Variants in TMEM35B observed in about 807,000 individuals in gnomAD.
TMEM35B encodes the protein ZMYM6 neighbor protein.
In TMEM35B, 6 loss-of-function variants were observed where a neutral mutation model predicts 8.7. The ratio of observed to expected loss-of-function variants is 0.69; its 90% CI spans 0.38 to 1.36. The LOEUF (loss-of-function observed/expected upper bound fraction) is 1.36, where lower values mean the gene tolerates loss of function less well. Ranked by LOEUF, TMEM35B falls within the 40% of genes most tolerant of loss-of-function variation. TMEM35B has a pLI of 0.02. For synonymous variants in TMEM35B, 89 were observed against 87.0 expected (o/e 1.02, Z -0.13); for missense variants, 176 against 181.6 (o/e 0.97, Z 0.18).
chr1:34,984,691 C>T (rs987798179), intron 1 of TMEM35B, among the ~76,000 whole-genome samples: 2 of 152,142 alleles, frequency 1.3e-5, no homozygotes, highest in African/African-American at 4.8e-5. Flanking sequence ...GCTTCCCTCT[C>T]TGGGTTCCGA....
chr1:34,982,225 A>G (rs1640514467), intron 2 of TMEM35B, 106 bp from the exon 3 acceptor site: 1 of 924,852 alleles, frequency 1.1e-6, no homozygotes, highest in Non-Finnish European at 1.6e-6. Flanking sequence ...AAGCCCTCCC[A>G]TTAAACACCC....
Position 34,985,050 on chromosome 1 carries a change from G to A in TMEM35B, c.108+148C>T, listed in dbSNP as rs76282314. ...GAGGAACTCCCCAGGCAGGACCTGC[G>A]CCTCAGTCGAAAGCCAGGCGCTTTC... On this transcript the variant is annotated intron_variant, in intron 1 of 2. Transcript: ENST00000373337. 5 of 545,600 alleles carry A rather than the reference G, an allele frequency of 9.2e-6. No homozygotes were observed. In the East Asian group the frequency reaches 1.5e-4, roughly 16 times the overall value. The allele number at this position is 545,600 out of a possible 1,614,324, so 33.8% of individuals were successfully genotyped here.
chr1:34,985,031 C>CT (rs1640551313), intron 1 of TMEM35B, among the ~76,000 whole-genome samples, 167 bp downstream of exon 1: 1 of 152,150 alleles, frequency 6.6e-6, no homozygotes, highest in Admixed American at 6.5e-5. Context: ...ACTCGAGGAA[C>CT]TCCCCAGGCA....
In TMEM35B at chr1:34,985,310, G is replaced by A. The variant is rs1557549849; in HGVS notation, c.-5C>T. 3 of 1,529,152 alleles carry A rather than the reference G, an allele frequency of 2.0e-6. 1 individual carries two copies. Among genetic ancestry groups the A allele is most frequent in the Admixed American group, 4.1e-5 (2 of 49,330 alleles). The allele number at this position is 1,529,152 out of a possible 1,614,324, so 94.7% of individuals were successfully genotyped here. On this transcript the variant is annotated 5_prime_UTR_variant, in exon 1 of 3. Coordinates refer to ENST00000373337, the Ensembl canonical transcript of TMEM35B. ...CACCGAAAGCAGGAGCGCCATGGCCGCGCTCCCCCCACCGTGGGTTGGCCC... is the reference window on the plus strand; with the variant it reads ...CACCGAAAGCAGGAGCGCCATGGCCACGCTCCCCCCACCGTGGGTTGGCCC...
At chr1:34,984,882 C>G (rs1013018135) in intron 1 of TMEM35B, among the ~76,000 whole-genome samples, 2 of 145,152 alleles carry the variant, frequency 1.4e-5, no homozygotes, top group Admixed American at 1.4e-4. Flanking sequence ...GAAGTGAGCT[C>G]ATTTTCCCAC....
intron 1 of TMEM35B, 76 bp from the exon 2 acceptor site, chr1:34,984,023 T>G: frequency 1.5e-6 from 2 of 1,322,438 alleles, no homozygotes; most frequent in Non-Finnish European, 2.0e-6. Context: ...ATGGCATATC[T>G]ATGCCTGTGC....
At chr1:34,985,101 G>T (rs1362884425) in intron 1 of TMEM35B, 97 bp downstream of exon 1, 1 of 937,972 alleles carries the variant, frequency 1.1e-6, no homozygotes, top group Non-Finnish European at 1.5e-6. Flanking sequence ...AGCCTCGGAA[G>T]CCCGAAGGCG....
rs1478036563 is a variant in TMEM35B, at chr1:34,983,940, AG to A, written c.115del (p.Leu39CysfsTer11). ...GAACACCTCAGCAAACTGCACGAAC[AG>A]GGCATTCTAGGGGTGGCAAGGAATG... On this transcript the variant is annotated frameshift_variant, in exon 2 of 3. Coordinates refer to ENST00000373337, the Ensembl canonical transcript of TMEM35B. LOFTEE classifies it high-confidence loss of function. 1.9e-5 allele frequency: 29 copies of A among 1,497,696 alleles called. No individual in the cohort carries two copies. The highest frequency in any genetic ancestry group is 6.6e-5 in the Admixed American group (3 of 45,796). The allele number at this position is 1,497,696 out of a possible 1,614,324, so 92.8% of individuals were successfully genotyped here. A position where few individuals can be genotyped will look rare whatever the true frequency, so the allele number is the denominator to read the frequency against.
At chr1:34,983,535 T>C (rs1045800488) in intron 2 of TMEM35B, among the ~76,000 whole-genome samples, 3 of 127,348 alleles carry the variant, frequency 2.4e-5, no homozygotes, top group Non-Finnish European at 4.6e-5. Flanking sequence ...GCAGAGATAG[T>C]GCCACTGCAG....
chr1:34,985,004 T>C (rs916148134), intron 1 of TMEM35B, among the ~76,000 whole-genome samples, 194 bp downstream of exon 1: 19 of 150,304 alleles, frequency 1.3e-4, no homozygotes, highest in South Asian at 2.1e-4. Flanking sequence ...CCCTTCCGTC[T>C]AGGGAAGATC....
intron 1 of TMEM35B, 76 bp downstream of exon 1, chr1:34,985,122 C>T: frequency 8.3e-7 from 1 of 1,205,528 alleles, no homozygotes. Flanking sequence ...GCCTGCCGGG[C>T]CGGGGGCGAG....
rs918794693 is a variant in TMEM35B at position 34,983,695 on chromosome 1, G to C, written c.289+72C>G. On this transcript the variant is annotated intron_variant, in intron 2 of 2. Transcript: ENST00000373337. ...AAAAAAGAAGGGTGGCAACAGTAAG[G>C]GGGAACAGCCAGGTCTTTCCATAAT... 24 of 1,306,740 alleles carry C rather than the reference G, an allele frequency of 1.8e-5. No individual in the cohort carries two copies. In the African/African-American group the frequency reaches 2.3e-4, roughly 12 times the overall value. The allele number at this position is 1,306,740 out of a possible 1,614,324, so 80.9% of individuals were successfully genotyped here.
chr1:34,981,996 A>T, exon 3 of TMEM35B: 1 of 1,550,416 alleles, frequency 6.4e-7, no homozygotes, highest in Non-Finnish European at 8.7e-7. Context: ...AGTGGGTCTG[A>T]CCACCTTCTT....
intron 2 of TMEM35B, among the ~76,000 whole-genome samples, chr1:34,982,721 C>T (rs558754535): frequency 1.1e-3 from 162 of 152,222 alleles, no homozygotes; most frequent in Non-Finnish European, 2.0e-3. Context: ...GTGATCCGCC[C>T]GCCTCGGCCT....
chr1:34,985,296 G>C, exon 1 of TMEM35B: 1 of 1,533,048 alleles, frequency 6.5e-7, no homozygotes. Flanking sequence ...ACCGAAAGCA[G>C]GAGCGCCATG....
Position 34,983,768 on chromosome 1 carries a change from C to T in TMEM35B, c.288G>A (p.Met96Ile), listed in dbSNP as rs1640532924. 7 of 1,512,918 alleles carry T rather than the reference C, an allele frequency of 4.6e-6. No individual in the cohort carries two copies. In the East Asian group the frequency reaches 1.8e-4, roughly 39 times the overall value. The allele number at this position is 1,512,918 out of a possible 1,614,324, so 93.7% of individuals were successfully genotyped here. ...TCTCAGGCCAGTTGGCCCCCTTACCCATCATGAGCAGAATCAAGAACAAGT... is the reference window on the plus strand; with the variant it reads ...TCTCAGGCCAGTTGGCCCCCTTACCTATCATGAGCAGAATCAAGAACAAGT... The change falls in exon 2 of 3, where the codon ATG becomes ATA. Residue 96 changes from methionine (M) to isoleucine (I), a missense_variant and splice_region_variant. Coordinates refer to ENST00000373337, the Ensembl canonical transcript of TMEM35B.
At chr1:34,985,172 C>T (rs1553129055) in intron 1 of TMEM35B, 26 bp downstream of exon 1, 2 of 1,517,928 alleles carry the variant, frequency 1.3e-6, no homozygotes, top group Admixed American at 2.0e-5. Flanking sequence ...GGGCCCGATC[C>T]CCTGCCGCCC....
intron 2 of TMEM35B, 119 bp downstream of exon 2, chr1:34,983,648 G>T: frequency 1.5e-6 from 1 of 653,318 alleles, no homozygotes; most frequent in Non-Finnish European, 2.3e-6. Context: ...TGGTAGAGCA[G>T]AAAGTGCTCT....
intron 2 of TMEM35B, among the ~76,000 whole-genome samples, chr1:34,982,975 A>C (rs995050435): frequency 6.6e-6 from 1 of 152,194 alleles, no homozygotes; most frequent in Non-Finnish European, 1.5e-5. Context: ...CTTTGAAGCA[A>C]CAGCTGTCTT....
Sources: allele counts gnomAD v4.1 joint callset (sites outside exome capture counted in the v4.1 genomes callset), GRCh38; gene constraint gnomAD v4.1.1; transcripts MANE v1.5; gene names NCBI Gene and HGNC (gene_info 2026-07-23, HGNC 2026-07-21).